Variants in FCRL1 observed in about 807,000 individuals in gnomAD.
FCRL1 encodes Fc receptor-like protein 1.
FCRL1 carries 34 observed loss-of-function variants against 49.2 expected under a neutral mutation model. The ratio of observed to expected loss-of-function variants is 0.69; its 90% CI spans 0.53 to 0.92. The LOEUF (loss-of-function observed/expected upper bound fraction) is 0.92, where lower values mean the gene tolerates loss of function less well. Among genes scored for constraint, FCRL1 ranks in the 40% least tolerant of loss-of-function variants. The probability of loss-of-function intolerance (pLI) is 0.00; values close to 1 mark genes in which losing one functional copy is unlikely to be tolerated. For synonymous variants in FCRL1, 218 were observed against 201.6 expected, an observed-to-expected ratio of 1.08 and a Z score of -0.69; for missense variants, 524 against 524.1, an observed-to-expected ratio of 1.00 and a Z score of 0.00.
chr1:157,818,624 G>A (rs1655370813), intron 1 of FCRL1, among the ~76,000 whole-genome samples: 1 of 151,938 alleles, frequency 6.6e-6, no homozygotes, highest in African/African-American at 2.4e-5. Flanking sequence ...GATTGCATGT[G>A]GCCAGAAAAT....
intron 1 of FCRL1, among the ~76,000 whole-genome samples, chr1:157,809,402 C>A (rs1231603623): frequency 1.3e-5 from 2 of 151,874 alleles, no homozygotes; most frequent in Non-Finnish European, 1.5e-5. Flanking sequence ...TAAAAAAAAA[C>A]CCTGTTTGTA....
At chr1:157,801,266 A>T (rs113950142) in intron 6 of FCRL1, among the ~76,000 whole-genome samples, 195 bp downstream of exon 6, 1 of 152,200 alleles carries the variant, frequency 6.6e-6, no homozygotes, top group Non-Finnish European at 1.5e-5. Context: ...ATAGCACATG[A>T]GGGATGGAGA....
rs866256008 is a variant in FCRL1 at position 157,810,053 on chromosome 1, C to A, written c.32-2931G>T. Among the ~76,000 whole-genome samples, 10 of 152,196 alleles carry A rather than the reference C, an allele frequency of 6.6e-5. No homozygotes were observed. In the Middle Eastern group the frequency reaches 0.017, roughly 261 times the overall value. On this transcript the variant is annotated intron_variant, in intron 1 of 10. Coordinates refer to ENST00000368176, the MANE Select transcript of FCRL1 (RefSeq NM_052938.5). ...TCAAAAAATAAAGAGTGATCAAATG[C>A]CCCTGAGAAATTGAGTAAAATAAAA... is the stretch of plus-strand genomic sequence containing the variant.
intron 1 of FCRL1, among the ~76,000 whole-genome samples, chr1:157,807,757 A>T (rs1275038219): frequency 6.6e-6 from 1 of 152,228 alleles, no homozygotes; most frequent in East Asian, 1.9e-4. Context: ...AAGAAAAAAT[A>T]ATTCTGGGGA....
At chr1:157,817,716 A>G (rs1327908408) in intron 1 of FCRL1, among the ~76,000 whole-genome samples, 1 of 152,182 alleles carries the variant, frequency 6.6e-6, no homozygotes, top group South Asian at 2.1e-4. Flanking sequence ...AGTAAAAGAA[A>G]CAATCAACAG....
Position 157,806,736 on chromosome 1 carries a change from G to A in FCRL1, c.52+366C>T, listed in dbSNP as rs138921531. 1.0e-3 allele frequency: 187 copies of A among 186,166 alleles called. 7 individuals carry two copies. The East Asian group carries it at 0.023, about 23-fold the overall frequency. The allele number at this position is 186,166 out of a possible 1,614,324, so 11.5% of individuals were successfully genotyped here. A position where few individuals can be genotyped will look rare whatever the true frequency, so the allele number is the denominator to read the frequency against. On this transcript the variant is annotated intron_variant, in intron 2 of 10. Transcript: ENST00000368176. ...CTGAGAAGCACAACTGGGAATTGGA[G>A]CTCCTGAGGCTGGGAGGACAGAGAT...
intron 7 of FCRL1, 23 bp downstream of exon 7, chr1:157,800,035 C>T: frequency 6.2e-7 from 1 of 1,607,734 alleles, no homozygotes; most frequent in Non-Finnish European, 8.5e-7. Flanking sequence ...ATTATTGACA[C>T]CTATAGTGAA....
intron 6 of FCRL1, among the ~76,000 whole-genome samples, chr1:157,800,952 C>T (rs1201740522): frequency 6.6e-6 from 1 of 151,962 alleles, no homozygotes; most frequent in Non-Finnish European, 1.5e-5. Flanking sequence ...AGTGCAGTGC[C>T]GTGATCTCAG....
intron 2 of FCRL1, among the ~76,000 whole-genome samples, chr1:157,805,427 ATG>A (rs975565157): frequency 2.3e-4 from 35 of 152,324 alleles, no homozygotes; most frequent in African/African-American, 8.2e-4. Context: ...TTCGGCTGAA[ATG>A]TGTTTTTTTG....
At position 157,796,981 on chromosome 1, in the gene FCRL1, T is replaced by C. The variant is rs183760602; in HGVS notation, c.1218+120A>G. 1.1e-5 allele frequency: 10 copies of C among 881,958 alleles called. No homozygotes were observed. In the Admixed American group the frequency reaches 1.4e-4, roughly 13 times the overall value. The allele number at this position is 881,958 out of a possible 1,614,324, so 54.6% of individuals were successfully genotyped here. A position where few individuals can be genotyped will look rare whatever the true frequency, so the allele number is the denominator to read the frequency against. ...TTTTTACCTCCATTGCTTTGGGATG[T>C]AGGGAAGAGGTAGACCATGGGATTT... is the stretch of plus-strand genomic sequence containing the variant. On this transcript the variant is annotated intron_variant, in intron 10 of 10. Transcript: ENST00000368176.
intron 1 of FCRL1, among the ~76,000 whole-genome samples, chr1:157,814,111 G>A (rs1248468268): frequency 6.6e-6 from 1 of 152,020 alleles, no homozygotes; most frequent in African/African-American, 2.4e-5. Context: ...GAAGTGAAAG[G>A]ACAATAATTA....
intron 1 of FCRL1, among the ~76,000 whole-genome samples, chr1:157,807,777 C>T (rs1403645688): frequency 3.9e-5 from 6 of 152,162 alleles, no homozygotes; most frequent in African/African-American, 9.7e-5. Flanking sequence ...AAAATGGAGG[C>T]TTTGTAGCTG....
At position 157,797,997 on chromosome 1, in the gene FCRL1, A is replaced by C. The variant is rs1571334864; in HGVS notation, c.1115-58T>G. On this transcript the variant is annotated intron_variant, in intron 8 of 10. Coordinates refer to ENST00000368176, the MANE Select transcript of FCRL1 (RefSeq NM_052938.5). The stretch of plus-strand genomic sequence containing the variant: ...GCCCCTGATTCCTGTCTTTCAAATT[A>C]CTCCATACCTTCCACCTGTCACAGC... 7.7e-6 allele frequency: 12 copies of C among 1,566,142 alleles called. No individual in the cohort carries two copies. In the South Asian group the frequency reaches 1.3e-4, roughly 17 times the overall value.
In FCRL1 at chr1:157,802,417, A is replaced by G; in HGVS notation, c.567T>C (p.Tyr189=). The change falls in exon 4 of 11, where the codon TAT becomes TAC. Residue 189 remains tyrosine, a synonymous_variant. Coordinates refer to ENST00000368176, the MANE Select transcript of FCRL1 (RefSeq NM_052938.5). ...EQYYCVAENG[Y]GPSPSGLVSI... is the part of the protein sequence containing the mutation. ...TCACCAGCCCACTGGGGCTGGGACC[A>G]TAGCCATTTTCAGCTACACAGTAAT... is the stretch of plus-strand genomic sequence containing the variant. The G allele has an allele frequency of 1.9e-6, 3 of 1,614,198 alleles. No individual in the cohort carries two copies. Among genetic ancestry groups the G allele is most frequent in the Non-Finnish European group, 2.5e-6 (3 of 1,180,024 alleles).
At chr1:157,817,752 GA>G (rs1404115651) in intron 1 of FCRL1, among the ~76,000 whole-genome samples, 4 of 151,946 alleles carry the variant, frequency 2.6e-5, no homozygotes, top group African/African-American at 9.7e-5. Flanking sequence ...TATGAAATAG[GA>G]AAAAGTACTT....
intron 1 of FCRL1, among the ~76,000 whole-genome samples, chr1:157,808,386 C>T (rs1653798724): frequency 6.6e-6 from 1 of 152,098 alleles, no homozygotes; most frequent in African/African-American, 2.4e-5. Flanking sequence ...CAGTAAAAAC[C>T]TAAATGAAAT....
chr1:157,796,208 G>A, intron 10 of FCRL1, 38 bp from the exon 11 acceptor site: 1 of 1,540,562 alleles, frequency 6.5e-7, no homozygotes, highest in Non-Finnish European at 9.0e-7. Context: ...GGGAAGACAA[G>A]CAGAACATGC....
intron 1 of FCRL1, among the ~76,000 whole-genome samples, chr1:157,811,549 C>T (rs1161451275): frequency 6.6e-6 from 1 of 152,182 alleles, no homozygotes; most frequent in Non-Finnish European, 1.5e-5. Context: ...CTCACAGGAC[C>T]TAAGTCCAGT....
In FCRL1 at chr1:157,797,916, C is replaced by A. The variant is rs148358454; in HGVS notation, c.1138G>T (p.Val380Phe). 916 of 1,614,054 alleles carry A rather than the reference C, an allele frequency of 5.7e-4. 1 individual carries two copies. Among genetic ancestry groups the A allele is most frequent in the Non-Finnish European group, 7.0e-4 (831 of 1,180,038 alleles). ...TGGTTATAGTACGCCAGTGAATAAA[C>A]CTCATCCCCACTTACAACATTCACT... ...ENVNVVSGDEVYSLAYYNQPE... is the reference protein window; with the variant it reads ...ENVNVVSGDEFYSLAYYNQPE... The change falls in exon 9 of 11, where the codon GTT becomes TTT. Residue 380 changes from valine to phenylalanine, a missense_variant. Physicochemically the swap from Val to Phe is conservative, Grantham distance 50. Transcript: ENST00000368176.
Sources: allele counts gnomAD v4.1 joint callset (sites outside exome capture counted in the v4.1 genomes callset), GRCh38; gene constraint gnomAD v4.1.1; transcripts MANE v1.5; gene names NCBI Gene and HGNC (gene_info 2026-07-23, HGNC 2026-07-21).